Variants in SDK2 observed in about 807,000 individuals in gnomAD.
SDK2 encodes the protein sidekick cell adhesion molecule 2.
A neutral mutation model predicts 253.9 loss-of-function variants in SDK2; 105 were observed. The observed-to-expected ratio is 0.41, with a 90% CI of 0.35 to 0.49. The LOEUF (loss-of-function observed/expected upper bound fraction) is 0.49. SDK2 is among the 20% of genes least tolerant of loss of function. SDK2 has a pLI of 0.06. For missense variants in SDK2, 2,608 were observed against 3,003.0 expected, an observed-to-expected ratio of 0.87 and a Z score of 3.07; for synonymous variants, 1,249 against 1,234.9, an observed-to-expected ratio of 1.01 and a Z score of -0.24.
rs552698371 is a variant in SDK2 at position 73,360,989 on chromosome 17, T to C, written c.5467+695A>G. Among the ~76,000 whole-genome samples the C allele has an allele frequency of 4.0e-5, 5 of 125,758 alleles. No individual in the cohort carries two copies. The East Asian group carries it at 1.1e-3, about 29-fold the overall frequency. 82.5% of individuals were successfully genotyped at this position (125,758 alleles called of 152,430 possible). ...CAACAACAGAAACAATACAGGAGAT[T>C]AAGGAAGACTTCCTGGGGTGAGGGG... On this transcript the variant is annotated intron_variant, in intron 39 of 44. Transcript: ENST00000392650.
intron 1 of SDK2, among the ~76,000 whole-genome samples, chr17:73,575,200 A>G (rs370704667): frequency 3.3e-5 from 5 of 152,274 alleles, no homozygotes; most frequent in African/African-American, 4.8e-5. Flanking sequence ...AGGCTCCTCA[A>G]TGGGGCGAAT....
chr17:73,337,743 C>T lies in SDK2; in HGVS notation c.*844G>A, dbSNP rs2062392047. The stretch of plus-strand genomic sequence containing the variant: ...GTGCCAAGGCCAGTCGCCTTATTTA[C>T]ACCTCTGCTCCCCAGACTTCACCTT... On this transcript the variant is annotated 3_prime_UTR_variant, in exon 45 of 45. Coordinates refer to ENST00000392650, the MANE Select transcript of SDK2 (RefSeq NM_001144952.2). 6.6e-6 allele frequency: 1 copy of T among 152,316 alleles called. No individual in the cohort carries two copies. The highest frequency in any genetic ancestry group is 2.1e-4 in the South Asian group (1 of 4,832). The allele number at this position is 152,316 out of a possible 1,614,324, so 9.4% of individuals were successfully genotyped here.
intron 29 of SDK2, among the ~76,000 whole-genome samples, chr17:73,389,183 CTTT>C (rs61085516): frequency 4.9e-4 from 49 of 99,014 alleles, no homozygotes; most frequent in East Asian, 1.6e-3. Flanking sequence ...ATATTCCTTT[CTTT>C]TTTTTTTTTT....
chr17:73,371,072 C>T (rs2062731350), intron 36 of SDK2, among the ~76,000 whole-genome samples: 5 of 152,042 alleles, frequency 3.3e-5, no homozygotes, highest in Admixed American at 3.3e-4. Flanking sequence ...TCTAAAATAA[C>T]ATAAAAATAA....
chr17:73,635,200 C>T (rs1312051340), intron 1 of SDK2, among the ~76,000 whole-genome samples: 1 of 152,078 alleles, frequency 6.6e-6, no homozygotes, highest in African/African-American at 2.4e-5. Flanking sequence ...GTTGGCCAGG[C>T]TGGTCTTGAA....
intron 44 of SDK2, among the ~76,000 whole-genome samples, chr17:73,341,469 C>T (rs76405439): frequency 0.15 from 22,877 of 152,048 alleles, 1,896 homozygotes; most frequent in South Asian, 0.22. Context: ...CCGATTTTAG[C>T]GCACAGCACA....
chr17:73,520,490 G>A (rs570668799), intron 1 of SDK2: 2 of 152,336 alleles, frequency 1.3e-5, no homozygotes, highest in Non-Finnish European at 2.9e-5. Flanking sequence ...GGAGTAGTGG[G>A]GGGGTGCAAA....
intron 1 of SDK2, among the ~76,000 whole-genome samples, chr17:73,598,397 C>T (rs1341358139): frequency 6.6e-6 from 1 of 152,228 alleles, no homozygotes; most frequent in Admixed American, 6.5e-5. Context: ...TGACAGCCAG[C>T]TGGCCGAGGC....
At chr17:73,545,101 AC>A in intron 1 of SDK2, among the ~76,000 whole-genome samples, 1 of 135,514 alleles carries the variant, frequency 7.4e-6, no homozygotes, top group Non-Finnish European at 1.5e-5. Context: ...ACGTGCACGC[AC>A]ACACACACAC....
Position 73,582,592 on chromosome 17 carries a change from C to T in SDK2, c.64+61433G>A, listed in dbSNP as rs572637590. Among the ~76,000 whole-genome samples, 423 of 152,278 alleles carry T rather than the reference C, an allele frequency of 2.8e-3. 2 individuals carry two copies. The highest frequency in any genetic ancestry group is 9.4e-3 in the African/African-American group (392 of 41,544). ...AGTGATAGCCGAGGGGCCAGGCTCC[C>T]GGAAGGCTCCTGCTCGCTGCCTGTT... On this transcript the variant is annotated intron_variant, in intron 1 of 44. Transcript: ENST00000392650.
In SDK2 at chr17:73,423,892, G is replaced by A. The variant is rs772941489; in HGVS notation, c.1760+24C>T. The A allele has an allele frequency of 1.5e-4, 226 of 1,528,142 alleles. 1 individual carries two copies. Among genetic ancestry groups the A allele is most frequent in the Non-Finnish European group, 1.9e-4 (211 of 1,132,966 alleles). The allele number at this position is 1,528,142 out of a possible 1,614,324, so 94.7% of individuals were successfully genotyped here. On this transcript the variant is annotated intron_variant, in intron 13 of 44. Coordinates refer to ENST00000392650, the MANE Select transcript of SDK2 (RefSeq NM_001144952.2). Reference sequence around the variant, plus strand: ...TGCTATTGCCTGGACCGCCTCTGCCGGGGTCTGGGAGGGCTGCCCTTACCT... The same window carrying A: ...TGCTATTGCCTGGACCGCCTCTGCCAGGGTCTGGGAGGGCTGCCCTTACCT...
chr17:73,407,623 C>T (rs540885559), intron 18 of SDK2, among the ~76,000 whole-genome samples: 4 of 151,920 alleles, frequency 2.6e-5, no homozygotes, highest in Admixed American at 1.3e-4. Flanking sequence ...ATAGCGGGGG[C>T]GGGGGAGTCT....
intron 23 of SDK2, 47 bp from the exon 24 acceptor site, chr17:73,398,232 A>G (rs1220466210): frequency 6.3e-7 from 1 of 1,598,238 alleles, no homozygotes; most frequent in Non-Finnish European, 8.5e-7. Context: ...AGCTCACCCA[A>G]CTCTCAACCC....
intron 44 of SDK2, among the ~76,000 whole-genome samples, chr17:73,343,993 G>T (rs971692062): frequency 1.3e-5 from 2 of 152,194 alleles, no homozygotes; most frequent in Non-Finnish European, 2.9e-5. Flanking sequence ...AGCCGGCAGC[G>T]CATCTGTGCG....
At chr17:73,365,858 GATGGCCTTCCT>G (rs2062680189) in intron 37 of SDK2, among the ~76,000 whole-genome samples, 2 of 152,196 alleles carry the variant, frequency 1.3e-5, no homozygotes, top group African/African-American at 4.8e-5. Context: ...AGCAGACGGA[GATGGCCTTCCT>G]CTCCTCCTGG....
In SDK2 at chr17:73,544,974, T is replaced by C. The variant is rs551342490; in HGVS notation, c.65-37377A>G. ...GACAGGCCTCCCAAGCACACCCCCTTGTCAAGGCTCTTTCTTCCTTGGGCC... is the reference window on the plus strand; with the variant it reads ...GACAGGCCTCCCAAGCACACCCCCTCGTCAAGGCTCTTTCTTCCTTGGGCC... On this transcript the variant is annotated intron_variant, in intron 1 of 44. Coordinates refer to ENST00000392650, the MANE Select transcript of SDK2 (RefSeq NM_001144952.2). 2.1e-4 allele frequency among the ~76,000 whole-genome samples: 26 copies of C among 124,930 alleles called. No individual in the cohort carries two copies. The East Asian group carries it at 5.7e-3, about 27-fold the overall frequency. 82.0% of individuals were successfully genotyped at this position (124,930 alleles called of 152,430 possible). A position where few individuals can be genotyped will look rare whatever the true frequency, so the allele number is the denominator to read the frequency against.
intron 1 of SDK2, among the ~76,000 whole-genome samples, chr17:73,574,494 C>T (rs1461831358): frequency 6.6e-6 from 1 of 152,142 alleles, no homozygotes; most frequent in Non-Finnish European, 1.5e-5. Context: ...AGTTTTTTCT[C>T]TCCCTTTTTC....
Position 73,483,525 on chromosome 17 carries a change from A to ATG in SDK2, c.225-11308_225-11307insCA, listed in dbSNP as rs1567798847. Among the ~76,000 whole-genome samples the ATG allele has an allele frequency of 1.9e-4, 26 of 140,356 alleles. 1 individual carries two copies. The highest frequency in any genetic ancestry group is 6.0e-4 in the African/African-American group (22 of 36,854). 92.1% of individuals were successfully genotyped at this position (140,356 alleles called of 152,430 possible). Reference sequence around the variant, plus strand: ...TGTGTGTGTGTATGTGTGTGTGTATATATATATGTATGTATATATGTATGT... The same window carrying ATG: ...TGTGTGTGTGTATGTGTGTGTGTATATGTATATATGTATGTATATATGTATGT... On this transcript the variant is annotated intron_variant, in intron 2 of 44. Transcript: ENST00000392650.
intron 44 of SDK2, among the ~76,000 whole-genome samples, chr17:73,346,249 CTG>C (rs2062483646): frequency 1.3e-5 from 2 of 151,710 alleles, no homozygotes; most frequent in African/African-American, 4.8e-5. Context: ...ATGATTTGCT[CTG>C]TGTATCTCCT....
Sources: gnomAD v4.1 joint callset for allele counts (sites outside exome capture counted in the v4.1 genomes callset) on GRCh38, gnomAD v4.1.1 for gene constraint, MANE v1.5 for transcripts, NCBI Gene and HGNC (gene_info 2026-07-23, HGNC 2026-07-21) for gene names.